Variants in SEC14L5 observed in about 807,000 individuals in gnomAD.
SEC14L5 encodes the protein SEC14 like lipid binding 5.
Under a neutral mutation model 84.6 loss-of-function variants are expected in SEC14L5, and 96 were observed. That is an observed-to-expected ratio of 1.13 (90% CI 0.96 to 1.34). The LOEUF (loss-of-function observed/expected upper bound fraction) is 1.34, where lower values mean the gene tolerates loss of function less well. Ranked by LOEUF, SEC14L5 falls within the 40% of genes most tolerant of loss-of-function variation. The pLI, the probability that SEC14L5 is intolerant of heterozygous loss-of-function variation, is 0.00. For missense variants in SEC14L5, 1,224 were observed against 942.5 expected (o/e 1.30, Z -3.91); for synonymous variants, 546 against 383.4 (o/e 1.42, Z -4.95).
chr16:5,011,401 G>A (rs1259241315), intron 15 of SEC14L5, 128 bp downstream of exon 15: 16 of 912,486 alleles, frequency 1.8e-5, no homozygotes, highest in Admixed American at 7.6e-5. Context: ...CATGGGTATG[G>A]TTGGAGTTCT....
intron 4 of SEC14L5, among the ~76,000 whole-genome samples, chr16:4,990,147 G>A (rs1331674579): frequency 6.7e-6 from 1 of 150,166 alleles, no homozygotes; most frequent in African/African-American, 2.4e-5. Flanking sequence ...ATGATACACT[G>A]AACAATTGTA....
intron 15 of SEC14L5, among the ~76,000 whole-genome samples, chr16:5,012,905 GAA>G (rs35512692): frequency 3.4e-5 from 5 of 145,828 alleles, no homozygotes. Context: ...AAAGAAAAAG[GAA>G]AAAAAAAAAA....
At chr16:4,977,570 A>G (rs990509551) in intron 2 of SEC14L5, among the ~76,000 whole-genome samples, 1 of 151,706 alleles carries the variant, frequency 6.6e-6, no homozygotes, top group Admixed American at 6.6e-5. Flanking sequence ...TGTCATCTGG[A>G]CCTCAACTGT....
rs150000890 is a variant in SEC14L5 at position 4,994,283 on chromosome 16, C to T, written c.668-2065C>T. Among the ~76,000 whole-genome samples the T allele has an allele frequency of 5.4e-3, 829 of 152,272 alleles. 11 individuals are homozygous for T. Among genetic ancestry groups the T allele is most frequent in the African/African-American group, 0.019 (780 of 41,564 alleles). ...CCCTAACTCTGACACACTTGGGTGG[C>T]AGTGCCATGGAACTAATAATACATC... On this transcript the variant is annotated intron_variant, in intron 6 of 15. Coordinates refer to ENST00000251170, the MANE Select transcript of SEC14L5 (RefSeq NM_014692.2).
chr16:4,969,007 C>A (rs146942145), intron 2 of SEC14L5, among the ~76,000 whole-genome samples: 187 of 152,364 alleles, frequency 1.2e-3, no homozygotes, highest in African/African-American at 4.3e-3. Flanking sequence ...TTCGCTGTTA[C>A]GGAGGTAGTT....
chr16:4,967,966 C>T (rs1336980120), intron 2 of SEC14L5, among the ~76,000 whole-genome samples: 5 of 132,148 alleles, frequency 3.8e-5, no homozygotes, highest in Non-Finnish European at 8.2e-5. Context: ...TCCCCCTTCC[C>T]CTCCCTTCCC....
intron 2 of SEC14L5, among the ~76,000 whole-genome samples, chr16:4,959,969 C>T (rs1452628847): frequency 6.6e-6 from 1 of 152,158 alleles, no homozygotes; most frequent in Non-Finnish European, 1.5e-5. Context: ...CACAGACCCC[C>T]TTCCCTCCCC....
At position 4,996,986 on chromosome 16, in the gene SEC14L5, G is replaced by C; in HGVS notation, c.912G>C (p.Trp304Cys). ...AGGTGGATCTCCTCCTTCAGACCTG[G>C]CAACCCCCTGCCCTGCTGGAGGAGT... Reference protein sequence around the residue: ...QHQVDLLLQTWQPPALLEEFY... With the variant: ...QHQVDLLLQTCQPPALLEEFY... The change falls in exon 8 of 16, where the codon TGG becomes TGC. Residue 304 changes from tryptophan to cysteine, a missense_variant. Physicochemically the swap from Trp to Cys is radical, Grantham distance 215. Transcript: ENST00000251170. The C allele has an allele frequency of 6.2e-7, 1 of 1,613,370 alleles. No individual in the cohort carries two copies. Among genetic ancestry groups the C allele is most frequent in the Non-Finnish European group, 8.5e-7 (1 of 1,179,634 alleles).
intron 11 of SEC14L5, among the ~76,000 whole-genome samples, chr16:5,004,863 G>A (rs1955713871): frequency 6.6e-6 from 1 of 152,166 alleles, no homozygotes; most frequent in Non-Finnish European, 1.5e-5. Context: ...ACAAACTGTG[G>A]AATACTGTTC....
At chr16:4,968,602 A>T (rs915576186) in intron 2 of SEC14L5, among the ~76,000 whole-genome samples, 1 of 152,196 alleles carries the variant, frequency 6.6e-6, no homozygotes, top group Non-Finnish European at 1.5e-5. Flanking sequence ...GGGATCACAG[A>T]TGTGAGCCAC....
At chr16:4,961,143 C>T (rs964010931) in intron 2 of SEC14L5, among the ~76,000 whole-genome samples, 13 of 151,282 alleles carry the variant, frequency 8.6e-5, no homozygotes, top group African/African-American at 1.9e-4. Flanking sequence ...CGTGGTGGCG[C>T]GCACCTGTAG....
Position 5,007,398 on chromosome 16 carries a change from CAGA to C in SEC14L5, c.1488_1490del (p.Glu498del). 1 of 1,613,384 alleles carries C rather than the reference CAGA, an allele frequency of 6.2e-7. No homozygotes were observed. Among genetic ancestry groups the C allele is most frequent in the East Asian group, 2.2e-5 (1 of 44,858 alleles). On this transcript the variant is annotated inframe_deletion, in exon 13 of 16. Coordinates refer to ENST00000251170, the MANE Select transcript of SEC14L5 (RefSeq NM_014692.2). Reference sequence around the variant, plus strand: ...CTGGTCCCCAAGTCCCTCTACATGACAGAAGAGGAGCAGGAGCACACGGACCAG... The same window carrying C: ...CTGGTCCCCAAGTCCCTCTACATGACAGAGGAGCAGGAGCACACGGACCAG...
At position 5,005,958 on chromosome 16, in the gene SEC14L5, C is replaced by G; in HGVS notation, c.1347C>G (p.Ile449Met). 1 of 1,611,140 alleles carries G rather than the reference C, an allele frequency of 6.2e-7. No homozygotes were observed. Among genetic ancestry groups the G allele is most frequent in the Non-Finnish European group, 8.5e-7 (1 of 1,178,470 alleles). The change falls in exon 12 of 16, where the codon ATC becomes ATG. Residue 449 changes from isoleucine (I) to methionine (M), a missense_variant. Coordinates refer to ENST00000251170, the MANE Select transcript of SEC14L5 (RefSeq NM_014692.2). ...INENTRRKFL[I>M]YSGSNYQGPG... The stretch of plus-strand genomic sequence containing the variant: ...AGAACACCAGGCGGAAGTTCCTCAT[C>G]TACAGTGGCAGCAACTACCAGGGAC...
At chr16:4,970,049 C>T (rs1341120510) in intron 2 of SEC14L5, among the ~76,000 whole-genome samples, 1 of 152,142 alleles carries the variant, frequency 6.6e-6, no homozygotes, top group Non-Finnish European at 1.5e-5. Flanking sequence ...AACTGCTGGG[C>T]TCAAGTGAAC....
chr16:5,007,907 CTTT>C (rs1191230078), intron 13 of SEC14L5, among the ~76,000 whole-genome samples: 2 of 110,086 alleles, frequency 1.8e-5, no homozygotes, highest in Admixed American at 1.0e-4. Context: ...CGCCTGGCCT[CTTT>C]TTTTTTTTTT....
chr16:4,965,438 G>A (rs1421300727), intron 2 of SEC14L5, among the ~76,000 whole-genome samples: 1 of 151,900 alleles, frequency 6.6e-6, no homozygotes, highest in Admixed American at 6.6e-5. Context: ...GAGGCGGGCG[G>A]ATCACGAGGT....
intron 2 of SEC14L5, among the ~76,000 whole-genome samples, chr16:4,978,045 A>C (rs1336522644): frequency 6.8e-6 from 1 of 147,986 alleles, no homozygotes; most frequent in African/African-American, 2.5e-5. Flanking sequence ...CAAGTGATCC[A>C]CCTGCCTCGG....
At position 4,990,851 on chromosome 16, in the gene SEC14L5, T is replaced by A. The variant is rs552280365; in HGVS notation, c.430T>A (p.Leu144Met). The change falls in exon 5 of 16, where the codon TTG (leucine) becomes ATG (methionine). Residue 144 changes from leucine to methionine, a missense_variant. Physicochemically the swap from Leu to Met is conservative, Grantham distance 15. Transcript: ENST00000251170. ...IRSFFGFENALEKIAMKQYTA... is the reference protein window; with the variant it reads ...IRSFFGFENAMEKIAMKQYTA... ...GTCTTTCTTTGGCTTTGAAAATGCC[T>A]TGGAGAAGATCGCCATGAAGCAGTA... The A allele has an allele frequency of 1.9e-5, 30 of 1,611,170 alleles. 1 individual carries two copies. In the Middle Eastern group the frequency reaches 6.6e-4, roughly 35 times the overall value.
chr16:5,007,040 A>G (rs1244328449), intron 12 of SEC14L5, among the ~76,000 whole-genome samples: 2 of 152,120 alleles, frequency 1.3e-5, no homozygotes, highest in Non-Finnish European at 2.9e-5. Context: ...GCACCGGGGT[A>G]AAGGGACATG....
Sources: gnomAD v4.1 joint callset for allele counts (sites outside exome capture counted in the v4.1 genomes callset) on GRCh38, gnomAD v4.1.1 for gene constraint, MANE v1.5 for transcripts, NCBI Gene and HGNC (gene_info 2026-07-23, HGNC 2026-07-21) for gene names.